SORCS2: variants seen among roughly 807,000 people sequenced by gnomAD.
SORCS2 encodes VPS10 domain-containing receptor SorCS2.
A neutral mutation model predicts 141.6 loss-of-function variants in SORCS2; 100 were observed. That is an observed-to-expected ratio of 0.71 (90% confidence interval 0.60 to 0.83). The LOEUF is 0.83. Ranked by LOEUF, SORCS2 falls within the 40% of genes least tolerant of loss-of-function variation. The pLI is 0.00. For synonymous variants in SORCS2, 789 were observed against 676.9 expected (o/e 1.17, Z -2.57); for missense variants, 1,646 against 1,560.2 (o/e 1.05, Z -0.93).
At chr4:7,627,076 C>T (rs1719559364) in intron 3 of SORCS2, among the ~76,000 whole-genome samples, 1 of 152,188 alleles carries the variant, frequency 6.6e-6, no homozygotes, top group Admixed American at 6.5e-5. Context: ...ACCTCTGCCT[C>T]CCAGGCTCAA....
At chr4:7,602,550 G>C (rs1444592182) in intron 3 of SORCS2, among the ~76,000 whole-genome samples, 2 of 150,346 alleles carry the variant, frequency 1.3e-5, no homozygotes, top group East Asian at 4.0e-4. Flanking sequence ...TCACTTCCTA[G>C]ATGGGATGGC....
At chr4:7,498,214 C>A (rs1372714340) in intron 2 of SORCS2, among the ~76,000 whole-genome samples, 2 of 152,142 alleles carry the variant, frequency 1.3e-5, no homozygotes, top group Non-Finnish European at 2.9e-5. Context: ...GAGATGTGGA[C>A]CCCTGATGGC....
At chr4:7,484,959 C>T (rs913067919) in intron 2 of SORCS2, among the ~76,000 whole-genome samples, 3 of 27,840 alleles carry the variant, frequency 1.1e-4, no homozygotes, top group Non-Finnish European at 2.4e-4. Flanking sequence ...CACCCCTGTG[C>T]GTTGCCTGCT....
At chr4:7,641,018 G>T (rs1035901654) in intron 4 of SORCS2, among the ~76,000 whole-genome samples, 1 of 152,144 alleles carries the variant, frequency 6.6e-6, no homozygotes, top group Non-Finnish European at 1.5e-5. Context: ...TCAGAGAAGG[G>T]TTGGAAAGAG....
chr4:7,274,950 C>T (rs184091563), intron 1 of SORCS2, among the ~76,000 whole-genome samples: 143 of 152,296 alleles, frequency 9.4e-4, no homozygotes, highest in Non-Finnish European at 1.4e-3. Context: ...CCACAACACG[C>T]GCTCTGTGGG....
chr4:7,468,386 C>T (rs1010435592), intron 2 of SORCS2, among the ~76,000 whole-genome samples: 4 of 152,204 alleles, frequency 2.6e-5, no homozygotes, highest in Non-Finnish European at 4.4e-5. Flanking sequence ...TCTCCATCCT[C>T]GCAGTACTCA....
intron 1 of SORCS2, among the ~76,000 whole-genome samples, chr4:7,251,736 G>T (rs1289662849): frequency 6.6e-6 from 1 of 152,150 alleles, no homozygotes; most frequent in Admixed American, 6.5e-5. Context: ...CCAGAGACAA[G>T]GTTTTTTAAA....
chr4:7,543,425 A>G (rs142812391), intron 3 of SORCS2, among the ~76,000 whole-genome samples: 6 of 148,908 alleles, frequency 4.0e-5, no homozygotes, highest in Non-Finnish European at 6.0e-5. Flanking sequence ...CTATCCATCC[A>G]TCCGTCCATC....
intron 11 of SORCS2, among the ~76,000 whole-genome samples, chr4:7,691,876 C>T (rs184885927): frequency 1.3e-3 from 197 of 152,192 alleles, no homozygotes; most frequent in African/African-American, 4.0e-3. Context: ...ATGAGGGTCT[C>T]GGTCTCCCAA....
intron 2 of SORCS2, among the ~76,000 whole-genome samples, chr4:7,465,835 G>T (rs1367834006): frequency 6.6e-6 from 1 of 152,202 alleles, no homozygotes; most frequent in East Asian, 1.9e-4. Flanking sequence ...TTAGTGGGGG[G>T]CTAAGTGTTT....
chr4:7,431,577 G>A (rs1211402390), intron 2 of SORCS2: 2 of 152,326 alleles, frequency 1.3e-5, no homozygotes, highest in Non-Finnish European at 2.9e-5. Flanking sequence ...GGTGGTCTCA[G>A]GGGAAGAGGC....
intron 2 of SORCS2, among the ~76,000 whole-genome samples, chr4:7,414,548 A>T (rs1357557243): frequency 1.3e-5 from 2 of 152,210 alleles, no homozygotes; most frequent in African/African-American, 4.8e-5. Context: ...AATGCTCAAA[A>T]TTCTCTCGGC....
chr4:7,653,559 T>A (rs923632218), intron 4 of SORCS2, among the ~76,000 whole-genome samples: 3 of 152,160 alleles, frequency 2.0e-5, no homozygotes, highest in African/African-American at 7.2e-5. Context: ...ACACAATTAT[T>A]AAGAAGTTCA....
intron 5 of SORCS2, among the ~76,000 whole-genome samples, chr4:7,655,177 A>G (rs1377263030): frequency 2.0e-5 from 3 of 147,616 alleles, no homozygotes; most frequent in Non-Finnish European, 3.0e-5. Context: ...TGCTGATTCC[A>G]TGGCATTCCT....
chr4:7,433,290 G>A, intron 2 of SORCS2: 1 of 1,368,908 alleles, frequency 7.3e-7, no homozygotes, highest in Non-Finnish European at 9.4e-7. Flanking sequence ...TCGCTAGCAG[G>A]CTCTGGGTCT....
intron 1 of SORCS2, among the ~76,000 whole-genome samples, chr4:7,238,141 C>T (rs747319561): frequency 4.6e-5 from 7 of 152,024 alleles, no homozygotes; most frequent in Non-Finnish European, 1.0e-4. Context: ...TTGCAGAGGC[C>T]GAATGACATG....
Position 7,676,114 on chromosome 4 carries a change from T to C in SORCS2, c.1226T>C (p.Met409Thr). 6.3e-7 allele frequency: 1 copy of C among 1,585,242 alleles called. No homozygotes were observed. Among genetic ancestry groups the C allele is most frequent in the Non-Finnish European group, 8.6e-7 (1 of 1,164,224 alleles). The part of the protein sequence containing the change: ...VFVAVQEWYQ[M>T]DTYNLYQSDP... The stretch of plus-strand genomic sequence containing the variant: ...GTGGCGGTGCAGGAGTGGTACCAGA[T>C]GGACACCTACAACCTGTACCAGTCG... Residue 409 changes from methionine (M) to threonine (T), a missense_variant, in exon 9 of 27, where the codon ATG becomes ACG. Met to Thr is a moderately conservative substitution (Grantham distance 81). Coordinates refer to ENST00000507866, the MANE Select transcript of SORCS2 (RefSeq NM_020777.3).
At position 7,528,123 on chromosome 4, in the gene SORCS2, C is replaced by CCG. The variant is rs879774843; in HGVS notation, c.549-3407_549-3406insCG. On this transcript the variant is annotated intron_variant, in intron 2 of 26. Coordinates refer to ENST00000507866, the MANE Select transcript of SORCS2 (RefSeq NM_020777.3). The stretch of plus-strand genomic sequence containing the variant: ...AGCAGGGCACAGTGTCCACGCTGCC[C>CCG]ATGGATTCCAGCCTCAGTGTAGTGA... 6.0e-3 allele frequency among the ~76,000 whole-genome samples: 883 copies of CCG among 147,944 alleles called. 37 individuals are homozygous for CCG. The highest frequency in any genetic ancestry group is 0.052 in the Admixed American group (781 of 14,906).
At chr4:7,316,311 A>G (rs10006875) in intron 1 of SORCS2, among the ~76,000 whole-genome samples, 1 of 151,936 alleles carries the variant, frequency 6.6e-6, no homozygotes, top group East Asian at 1.9e-4. Flanking sequence ...AACAAAAAAA[A>G]TTTTTTTGGA....
Sources: gnomAD v4.1 joint callset for allele counts (sites outside exome capture counted in the v4.1 genomes callset) on GRCh38, gnomAD v4.1.1 for gene constraint, MANE v1.5 for transcripts, NCBI Gene and HGNC (gene_info 2026-07-23, HGNC 2026-07-21) for gene names.